The following DOCK1 variants were observed in gnomAD, a reference collection of about 807,000 sequenced individuals.
DOCK1 encodes dedicator of cytokinesis protein 1.
Under a neutral mutation model 262.7 loss-of-function variants are expected in DOCK1, and 138 were observed. The ratio of observed to expected loss-of-function variants is 0.53; its 90% CI spans 0.46 to 0.61. The LOEUF is 0.61. Ranked by LOEUF, DOCK1 falls within the 20% of genes least tolerant of loss-of-function variation. The pLI, the probability that DOCK1 is intolerant of heterozygous loss-of-function variation, is 0.00. For missense variants in DOCK1, 1,908 were observed against 2,370.7 expected, an observed-to-expected ratio of 0.80 and a Z score of 4.05; for synonymous variants, 866 against 867.4, an observed-to-expected ratio of 1.00 and a Z score of 0.03.
intron 38 of DOCK1, among the ~76,000 whole-genome samples, chr10:127,396,620 G>A (rs2066866078): frequency 6.6e-6 from 1 of 152,132 alleles, no homozygotes; most frequent in South Asian, 2.1e-4. Flanking sequence ...GCAGCACGGT[G>A]TCTCTTTCTG....
intron 19 of DOCK1, 108 bp downstream of exon 19, chr10:127,037,924 T>C (rs2043756452): frequency 9.0e-6 from 8 of 890,508 alleles, no homozygotes; most frequent in Non-Finnish European, 1.1e-5. Flanking sequence ...ATTGTGGTTA[T>C]ACTCCCTTTA....
chr10:127,042,963 A>G (rs1226548508), intron 20 of DOCK1, 101 bp from the exon 21 acceptor site: 3 of 974,012 alleles, frequency 3.1e-6, no homozygotes, highest in Non-Finnish European at 4.6e-6. Flanking sequence ...TGAAAATGTT[A>G]TGGTTCATAT....
chr10:127,291,936 C>G (rs931210563), intron 29 of DOCK1, among the ~76,000 whole-genome samples: 5 of 152,186 alleles, frequency 3.3e-5, no homozygotes, highest in African/African-American at 1.2e-4. Flanking sequence ...CAGAGTGCCT[C>G]CTGACCCAGG....
In DOCK1 at chr10:127,176,021, C is replaced by T. The variant is rs1183564903; in HGVS notation, c.2847+48257C>T. 1 of 1,614,040 alleles carries T rather than the reference C, an allele frequency of 6.2e-7. No homozygotes were observed. The highest frequency in any genetic ancestry group is 1.3e-5 in the African/African-American group (1 of 74,902). On this transcript the variant is annotated intron_variant, in intron 27 of 51. Coordinates refer to ENST00000623213, the MANE Select transcript of DOCK1 (RefSeq NM_001290223.2). This position sits in a 1 kb window ranked among gnomAD's most constrained non-coding sequence, Gnocchi z 4.4. ...CTGCAGCTGGGAGGCTTTTGAGGTT[C>T]CCCTTTTTGCGGTCCAGAGGGAACG...
Position 127,100,582 on chromosome 10 carries a change from G to C in DOCK1, c.2446-5649G>C, listed in dbSNP as rs75962774. 0.049 allele frequency among the ~76,000 whole-genome samples: 7,413 copies of C among 152,162 alleles called. 500 individuals carry two copies. Among genetic ancestry groups the C allele is most frequent in the African/African-American group, 0.15 (6,170 of 41,500 alleles). ...GATGGATCAGAATTGGGAGTCATTGGCATGGCAGGAGGTGAGGTCCCTTGT... is the reference window on the plus strand; with the variant it reads ...GATGGATCAGAATTGGGAGTCATTGCCATGGCAGGAGGTGAGGTCCCTTGT... On this transcript the variant is annotated intron_variant, in intron 23 of 51. Transcript: ENST00000623213. This position sits in a 1 kb window ranked among gnomAD's most constrained non-coding sequence, Gnocchi z 5.5.
intron 27 of DOCK1, chr10:127,137,906 GGAGTAAGTCTCCTGA>G: frequency 6.2e-7 from 1 of 1,614,134 alleles, no homozygotes; most frequent in Non-Finnish European, 8.5e-7. Context: ...TGGGAGTTGA[GGAGTAAGTCTCCTGA>G]GAGTAAGGCG....
In DOCK1 at chr10:126,995,473, C is replaced by T. The variant is rs990514387; in HGVS notation, c.474-1275C>T. 1.3e-5 allele frequency among the ~76,000 whole-genome samples: 2 copies of T among 152,218 alleles called. No homozygotes were observed. Among genetic ancestry groups the T allele is most frequent in the Admixed American group, 1.3e-4 (2 of 15,288 alleles). ...GGCCAACCCGGTGAAACCCCGTCTC[C>T]ATCAAAAAATACGAAAACCAGTCAG... On this transcript the variant is annotated intron_variant, in intron 6 of 51. Coordinates refer to ENST00000623213, the MANE Select transcript of DOCK1 (RefSeq NM_001290223.2). This position sits in a 1 kb window ranked among gnomAD's most constrained non-coding sequence, Gnocchi z 5.8.
intron 40 of DOCK1, among the ~76,000 whole-genome samples, chr10:127,405,878 G>A (rs1554964252): frequency 6.6e-6 from 1 of 152,188 alleles, no homozygotes; most frequent in Non-Finnish European, 1.5e-5. Flanking sequence ...TTGATCAGAA[G>A]CACAGATTCT....
intron 1 of DOCK1, among the ~76,000 whole-genome samples, chr10:126,950,883 G>T (rs2036156062): frequency 6.6e-6 from 1 of 152,120 alleles, no homozygotes; most frequent in Admixed American, 6.6e-5. Flanking sequence ...TGATAGCGGT[G>T]GTGCTGGTGA....
At chr10:127,125,914 T>C (rs1453710335) in intron 26 of DOCK1, among the ~76,000 whole-genome samples, 1 of 152,116 alleles carries the variant, frequency 6.6e-6, no homozygotes, top group East Asian at 1.9e-4. Context: ...GCTAATTATC[T>C]GCATTCTTTC....
chr10:126,999,800 C>A (rs188943873), intron 9 of DOCK1, among the ~76,000 whole-genome samples: 1 of 152,110 alleles, frequency 6.6e-6, no homozygotes, highest in Non-Finnish European at 1.5e-5. Context: ...CCTCAGCTCC[C>A]GAGTAGCTGG....
intron 27 of DOCK1, among the ~76,000 whole-genome samples, chr10:127,182,861 T>C (rs1303834154): frequency 6.6e-6 from 1 of 152,088 alleles, no homozygotes; most frequent in African/African-American, 2.4e-5. Context: ...TTAGTTACGA[T>C]AGCAGGTGTC....
chr10:126,941,455 G>A (rs912874647), intron 1 of DOCK1, among the ~76,000 whole-genome samples: 106,776 of 152,194 alleles, frequency 0.7, 38,013 homozygotes, highest in African/African-American at 0.78. Flanking sequence ...CTTCAAAACC[G>A]CAGTTAAACA....
chr10:127,353,059 C>T (rs1010108427), intron 31 of DOCK1, among the ~76,000 whole-genome samples: 2 of 152,138 alleles, frequency 1.3e-5, no homozygotes, highest in African/African-American at 4.8e-5. Context: ...TGTTTGTGTT[C>T]AGGGGGGCCA....
intron 27 of DOCK1, among the ~76,000 whole-genome samples, chr10:127,215,250 C>T (rs1374830514): frequency 1.3e-5 from 2 of 152,150 alleles, no homozygotes; most frequent in Admixed American, 1.3e-4. Flanking sequence ...TTGTAAATCT[C>T]AGGAAGCTTT....
chr10:127,225,635 G>A (rs548306797), intron 27 of DOCK1, among the ~76,000 whole-genome samples: 3 of 152,338 alleles, frequency 2.0e-5, no homozygotes, highest in Non-Finnish European at 4.4e-5. Flanking sequence ...GAATAATAGC[G>A]AGAAGCTAGT....
At chr10:127,174,963 G>A (rs2133884428) in intron 27 of DOCK1, among the ~76,000 whole-genome samples, 1 of 152,300 alleles carries the variant, frequency 6.6e-6, no homozygotes, top group South Asian at 2.1e-4. Context: ...TTCATTCTAA[G>A]CATAGGTATG....
chr10:127,146,331 G>C (rs1199311593), intron 27 of DOCK1, among the ~76,000 whole-genome samples: 2 of 152,168 alleles, frequency 1.3e-5, no homozygotes, highest in Admixed American at 6.5e-5. Context: ...GCTGTAACAA[G>C]TTTCCTAGCA....
chr10:127,364,747 C>A (rs1047880812), intron 33 of DOCK1, among the ~76,000 whole-genome samples: 5 of 152,128 alleles, frequency 3.3e-5, no homozygotes, highest in African/African-American at 9.7e-5. Flanking sequence ...TTTAGTTTAA[C>A]TTCCCCAGTG....
Sources: gnomAD v4.1 joint callset for allele counts (sites outside exome capture counted in the v4.1 genomes callset) on GRCh38, gnomAD v4.1.1 for gene constraint, Gnocchi (gnomAD v3.1) non-coding constraint, MANE v1.5 for transcripts, NCBI Gene and HGNC (gene_info 2026-07-23, HGNC 2026-07-21) for gene names.